Variants in BBIP1 observed in about 807,000 individuals in gnomAD.
BBIP1 encodes BBSome-interacting protein 1.
In BBIP1, 6 loss-of-function variants were observed where a neutral mutation model predicts 8.9. The observed-to-expected ratio is 0.67, with a 90% CI of 0.37 to 1.33. The LOEUF is 1.33. BBIP1 is among the 40% of genes most tolerant of loss of function. BBIP1 has a pLI of 0.02. For synonymous variants in BBIP1, 32 were observed against 33.4 expected, an observed-to-expected ratio of 0.96 and a Z score of 0.14; for missense variants, 111 against 109.2, an observed-to-expected ratio of 1.02 and a Z score of -0.07.
intron 2 of BBIP1, chr10:110,907,917 T>G: frequency 1.7e-6 from 1 of 597,692 alleles, no homozygotes; most frequent in East Asian, 2.8e-5. Context: ...TGTGATACAT[T>G]TCAAACAGGG....
At chr10:110,910,197 T>C (rs1261187269) in intron 2 of BBIP1, among the ~76,000 whole-genome samples, 1 of 152,124 alleles carries the variant, frequency 6.6e-6, no homozygotes, top group African/African-American at 2.4e-5. Context: ...GAGAAGGAGA[T>C]GTATAGCAAG....
intron 2 of BBIP1, among the ~76,000 whole-genome samples, chr10:110,908,445 G>A (rs1846195877): frequency 6.6e-6 from 1 of 152,102 alleles, no homozygotes; most frequent in Admixed American, 6.5e-5. Flanking sequence ...CCATTACTAA[G>A]AAAGGGTTAA....
In BBIP1 at chr10:110,900,233, TG is replaced by T; in HGVS notation, c.*126del. The stretch of plus-strand genomic sequence containing the variant: ...AAATTTCATCAATCTTGGATATTTT[TG>T]TATTTCTATGAATACTATCAATTTT... On this transcript the variant is annotated 3_prime_UTR_variant, in exon 4 of 4. Coordinates refer to ENST00000448814, the MANE Select transcript of BBIP1 (RefSeq NM_001195305.3). 1 of 907,768 alleles carries T rather than the reference TG, an allele frequency of 1.1e-6. No individual in the cohort carries two copies. Among genetic ancestry groups the T allele is most frequent in the Non-Finnish European group, 1.6e-6 (1 of 640,362 alleles). The allele number at this position is 907,768 out of a possible 1,614,324, so 56.2% of individuals were successfully genotyped here.
chr10:110,911,015 T>C (rs927499760), intron 2 of BBIP1: 2 of 152,234 alleles, frequency 1.3e-5, no homozygotes, highest in African/African-American at 4.8e-5. Context: ...CTTAAATTAC[T>C]TGATTTTCTG....
At chr10:110,910,946 A>G (rs1846261728) in intron 2 of BBIP1, 1 of 152,222 alleles carries the variant, frequency 6.6e-6, no homozygotes, top group Non-Finnish European at 1.5e-5. Context: ...GGGTGATGGT[A>G]AAAAGAGACA....
chr10:110,907,682 C>T (rs751334242), intron 2 of BBIP1: 34 of 681,430 alleles, frequency 5.0e-5, no homozygotes, highest in African/African-American at 3.6e-4. Flanking sequence ...TTCTTAACCT[C>T]GCTTGCTTGT....
chr10:110,917,923 C>T (rs1846461684), intron 2 of BBIP1, 198 bp downstream of exon 2: 1 of 595,738 alleles, frequency 1.7e-6, no homozygotes, highest in African/African-American at 1.9e-5. Context: ...TCTGGAAACA[C>T]ATCTCCACGG....
intron 2 of BBIP1, among the ~76,000 whole-genome samples, chr10:110,909,435 C>G (rs1846220980): frequency 6.6e-6 from 1 of 152,136 alleles, no homozygotes; most frequent in African/African-American, 2.4e-5. Flanking sequence ...ACCTCGTGAT[C>G]CACCCGCCTT....
chr10:110,907,928 G>C lies in BBIP1; in HGVS notation c.38-6316C>G. On this transcript the variant is annotated intron_variant, in intron 2 of 3. Transcript: ENST00000448814. ...AGTATGTGATACATTTCAAACAGGG[G>C]AGTTGAGTATATATTGTTTCCTAAA... is the stretch of plus-strand genomic sequence containing the variant. 1.4e-5 allele frequency: 8 copies of C among 589,794 alleles called. No individual in the cohort carries two copies. In the South Asian group the frequency reaches 1.7e-4, roughly 13 times the overall value. 36.5% of individuals were successfully genotyped at this position (589,794 alleles called of 1,614,324 possible).
At chr10:110,915,639 A>T (rs921381371) in intron 2 of BBIP1, among the ~76,000 whole-genome samples, 2 of 152,190 alleles carry the variant, frequency 1.3e-5, no homozygotes, top group African/African-American at 4.8e-5. Context: ...ACCGAGGTAA[A>T]GCACTTTATA....
intron 2 of BBIP1, among the ~76,000 whole-genome samples, chr10:110,909,320 C>T (rs905071468): frequency 6.6e-6 from 1 of 152,040 alleles, no homozygotes; most frequent in Non-Finnish European, 1.5e-5. Context: ...GCCTCAGCCT[C>T]CTGAGTTGGG....
intron 3 of BBIP1, chr10:110,901,254 C>G: frequency 2.4e-6 from 1 of 417,104 alleles, no homozygotes; most frequent in South Asian, 2.2e-5. Context: ...GTACCCAAGC[C>G]TGGGTGGCAG....
intron 2 of BBIP1, among the ~76,000 whole-genome samples, chr10:110,917,505 T>A (rs958169909): frequency 2.0e-5 from 3 of 152,186 alleles, no homozygotes; most frequent in African/African-American, 7.2e-5. Context: ...ATTCATTAAA[T>A]TATTTCTTTC....
intron 2 of BBIP1, among the ~76,000 whole-genome samples, chr10:110,910,203 G>A (rs896530601): frequency 1.4e-4 from 22 of 152,308 alleles, no homozygotes; most frequent in Admixed American, 5.9e-4. Context: ...GAGATGTATA[G>A]CAAGGGGCAG....
intron 2 of BBIP1, chr10:110,902,874 A>G (rs892605682): frequency 4.0e-5 from 6 of 151,794 alleles, no homozygotes; most frequent in Admixed American, 2.0e-4. Flanking sequence ...TTCTCCTACC[A>G]TATTCTTTTC....
intron 2 of BBIP1, among the ~76,000 whole-genome samples, chr10:110,910,023 T>G (rs752091682): frequency 3.3e-5 from 5 of 152,152 alleles, no homozygotes; most frequent in African/African-American, 4.8e-5. Context: ...TAATTATAAT[T>G]GAATACAATG....
chr10:110,916,981 C>CTTCT (rs1433838076), intron 2 of BBIP1, among the ~76,000 whole-genome samples: 1 of 152,058 alleles, frequency 6.6e-6, no homozygotes, highest in East Asian at 1.9e-4. Flanking sequence ...TTAGTCATGA[C>CTTCT]TAGAAAAGTG....
rs985875614 is a variant in BBIP1 at position 110,899,789 on chromosome 10, CTT to C, written c.*569_*570del. 2 of 107,914 alleles carry C rather than the reference CTT, an allele frequency of 1.9e-5. No homozygotes were observed. Among genetic ancestry groups the C allele is most frequent in the African/African-American group, 6.5e-5 (2 of 30,714 alleles). 6.7% of individuals were successfully genotyped at this position (107,914 alleles called of 1,614,324 possible). ...TCGTTTGGGCAACAAGAGTGAAACTCTTGTCTCAAAAAAAAAAAAAAATGAGG... is the reference window on the plus strand; with the variant it reads ...TCGTTTGGGCAACAAGAGTGAAACTCGTCTCAAAAAAAAAAAAAAATGAGG... On this transcript the variant is annotated 3_prime_UTR_variant, in exon 4 of 4. Transcript: ENST00000448814.
At chr10:110,909,865 A>G (rs186608142) in intron 2 of BBIP1, among the ~76,000 whole-genome samples, 38 of 152,368 alleles carry the variant, frequency 2.5e-4, no homozygotes, top group South Asian at 8.3e-4. Flanking sequence ...TTGGAATGAT[A>G]AAGTACCTAT....
Sources: gnomAD v4.1 joint callset for allele counts (sites outside exome capture counted in the v4.1 genomes callset) on GRCh38, gnomAD v4.1.1 for gene constraint, MANE v1.5 for transcripts, NCBI Gene and HGNC (gene_info 2026-07-23, HGNC 2026-07-21) for gene names.